The following TEX9 variants were observed in gnomAD, a reference collection of about 807,000 sequenced individuals.
The protein encoded by TEX9 is testis-expressed protein 9.
In TEX9, 74 loss-of-function variants were observed where a neutral mutation model predicts 59.6. That is an observed-to-expected ratio of 1.24 (90% CI 1.03 to 1.51). The LOEUF (loss-of-function observed/expected upper bound fraction) is 1.51. Among genes scored for constraint, TEX9 ranks in the 40% most tolerant of loss-of-function variants. The probability of loss-of-function intolerance (pLI) is 0.00; values close to 1 mark genes in which losing one functional copy is unlikely to be tolerated. For synonymous variants in TEX9, 186 were observed against 152.2 expected (o/e 1.22, Z -1.64); for missense variants, 522 against 447.8 (o/e 1.17, Z -1.49).
chr15:56,400,520 G>C (rs760113617), intron 9 of TEX9, among the ~76,000 whole-genome samples: 1 of 152,190 alleles, frequency 6.6e-6, no homozygotes, highest in Non-Finnish European at 1.5e-5. Context: ...TGGTGTACCT[G>C]AAAGTGATGG....
intron 1 of TEX9, among the ~76,000 whole-genome samples, chr15:56,295,499 G>T (rs184135886): frequency 1.6e-4 from 24 of 152,136 alleles, no homozygotes; most frequent in Non-Finnish European, 3.4e-4. Context: ...ACTTCTTGAG[G>T]ACCAGGCTGC....
intron 1 of TEX9, among the ~76,000 whole-genome samples, chr15:56,254,833 G>A (rs747042172): frequency 6.6e-6 from 1 of 150,950 alleles, no homozygotes; most frequent in Non-Finnish European, 1.5e-5. Context: ...CCTCAAAGAG[G>A]TTCAAGATAT....
At chr15:56,268,925 G>T (rs879547416) in intron 1 of TEX9, among the ~76,000 whole-genome samples, 2 of 152,096 alleles carry the variant, frequency 1.3e-5, no homozygotes, top group Non-Finnish European at 2.9e-5. Context: ...TGTACCTCTG[G>T]TAGAATTTGG....
At chr15:56,267,367 A>G (rs2044411964) in intron 1 of TEX9, among the ~76,000 whole-genome samples, 1 of 152,090 alleles carries the variant, frequency 6.6e-6, no homozygotes, top group African/African-American at 2.4e-5. Flanking sequence ...TTTTCTTGCC[A>G]TTGCTTTTGG....
chr15:56,394,129 G>A (rs1388943210), intron 7 of TEX9, 36 bp from the exon 8 acceptor site: 17 of 1,563,024 alleles, frequency 1.1e-5, no homozygotes, highest in Non-Finnish European at 1.4e-5. Flanking sequence ...CTTAGATTCA[G>A]CAAAAGACAG....
intron 12 of TEX9, among the ~76,000 whole-genome samples, chr15:56,438,894 T>A (rs1177235614): frequency 6.6e-6 from 1 of 151,982 alleles, no homozygotes; most frequent in Non-Finnish European, 1.5e-5. Context: ...ACAGGAAAGG[T>A]GATGTCTACT....
intron 3 of TEX9, among the ~76,000 whole-genome samples, chr15:56,378,507 G>C (rs577893844): frequency 1.3e-5 from 2 of 151,682 alleles, no homozygotes; most frequent in Admixed American, 6.6e-5. Flanking sequence ...ATTTATTGGC[G>C]TATAGTTGCT....
At chr15:56,316,602 T>C (rs1406645370) in intron 1 of TEX9, among the ~76,000 whole-genome samples, 2 of 152,066 alleles carry the variant, frequency 1.3e-5, no homozygotes, top group African/African-American at 4.8e-5. Flanking sequence ...GCTGTCTTTT[T>C]GTTTGTCTGC....
chr15:56,278,674 T>A (rs890991092), intron 1 of TEX9, among the ~76,000 whole-genome samples: 13 of 152,184 alleles, frequency 8.5e-5, no homozygotes. Context: ...AGAAGCTTAT[T>A]GCTGAACTTT....
chr15:56,350,413 T>A (rs1172464588), intron 1 of TEX9, among the ~76,000 whole-genome samples: 2 of 152,118 alleles, frequency 1.3e-5, no homozygotes, highest in East Asian at 3.9e-4. Flanking sequence ...GAAACAGCAA[T>A]GGGAAAGGCA....
chr15:56,294,225 T>A (rs1474390000), intron 1 of TEX9, among the ~76,000 whole-genome samples: 3 of 152,206 alleles, frequency 2.0e-5, no homozygotes, highest in Non-Finnish European at 4.4e-5. Flanking sequence ...TCACTAGCGT[T>A]TTCTAAGACC....
chr15:56,340,113 G>A (rs943225943), intron 1 of TEX9, among the ~76,000 whole-genome samples: 2 of 152,100 alleles, frequency 1.3e-5, no homozygotes, highest in East Asian at 3.9e-4. Context: ...ATTCCCCCTA[G>A]AAGCAGCATT....
At chr15:56,425,807 G>GCCA (rs2050210664) in intron 10 of TEX9, among the ~76,000 whole-genome samples, 1 of 151,862 alleles carries the variant, frequency 6.6e-6, no homozygotes, top group Non-Finnish European at 1.5e-5. Flanking sequence ...TTGAAAAACG[G>GCCA]GTGTTTGAAA....
chr15:56,251,592 A>G (rs2682052), intron 1 of TEX9, among the ~76,000 whole-genome samples: 4,559 of 152,272 alleles, frequency 0.03, 174 homozygotes, highest in East Asian at 0.099. Context: ...GCTGAAAGAT[A>G]CACAAGAGAA....
At chr15:56,302,145 A>G (rs1451288970) in intron 1 of TEX9, among the ~76,000 whole-genome samples, 1 of 152,122 alleles carries the variant, frequency 6.6e-6, no homozygotes, top group Non-Finnish European at 1.5e-5. Context: ...GTTTAAAATC[A>G]TGGGTTATAA....
In TEX9 at chr15:56,341,473, G is replaced by A. The variant is rs188222687; in HGVS notation, c.-106-31968G>A. ...GCTGGCCAGCGGTGAGTCACCTCCT[G>A]AATACCACCCTTAGGGTCTGCTTCT... On this transcript the variant is annotated intron_variant, in intron 1 of 5. Transcript: ENST00000560827. 3.0e-4 allele frequency among the ~76,000 whole-genome samples: 46 copies of A among 152,250 alleles called. 2 individuals carry two copies. The highest frequency in any genetic ancestry group is 1.1e-3 in the African/African-American group (44 of 41,556).
At chr15:56,316,812 C>T (rs1260451935) in intron 1 of TEX9, among the ~76,000 whole-genome samples, 5 of 152,322 alleles carry the variant, frequency 3.3e-5, no homozygotes, top group South Asian at 4.1e-4. Flanking sequence ...ACTCCGTGAG[C>T]GTAGGACCCT....
the TEX9 span, among the ~76,000 whole-genome samples, chr15:56,458,663 GT>G: frequency 6.6e-6 from 1 of 152,020 alleles, no homozygotes; most frequent in Non-Finnish European, 1.5e-5. Flanking sequence ...TGTTTCCATA[GT>G]TTTGCCTTTC....
At chr15:56,431,582 T>G in intron 12 of TEX9, 5 of 1,363,834 alleles carry the variant, frequency 3.7e-6, no homozygotes, top group Non-Finnish European at 5.1e-6. Flanking sequence ...ATGCAATGAA[T>G]TAGATAAAAT....
Sources: gnomAD v4.1 joint callset for allele counts (sites outside exome capture counted in the v4.1 genomes callset) on GRCh38, gnomAD v4.1.1 for gene constraint, MANE v1.5 for transcripts, NCBI Gene and HGNC (gene_info 2026-07-23, HGNC 2026-07-21) for gene names.